Variants in PIWIL3 observed in about 807,000 individuals in gnomAD.
PIWIL3 encodes piwi-like protein 3.
PIWIL3 carries 101 observed loss-of-function variants against 109.7 expected under a neutral mutation model. That is an observed-to-expected ratio of 0.92 (90% CI 0.78 to 1.09). PIWIL3 has a LOEUF of 1.09. Among genes scored for constraint, PIWIL3 ranks in the 50% least tolerant of loss-of-function variants. The probability of loss-of-function intolerance (pLI) is 0.00; values close to 1 mark genes in which losing one functional copy is unlikely to be tolerated. For missense variants in PIWIL3, 1,031 were observed against 1,072.6 expected (o/e 0.96, Z 0.54); for synonymous variants, 373 against 376.4 (o/e 0.99, Z 0.10).
chr22:24,723,309 TAC>T lies in PIWIL3; in HGVS notation c.2232-56_2232-55del, dbSNP rs996240836. 73 of 1,546,430 alleles carry T rather than the reference TAC, an allele frequency of 4.7e-5. 1 individual carries two copies. The African/African-American group carries it at 7.1e-4, about 15-fold the overall frequency. ...TGTTTACTCAGTCTTACCTCAGAAG[TAC>T]ACAGTGTATTGAAACATCTGCTTTA... On this transcript the variant is annotated intron_variant, in intron 18 of 20. Transcript: ENST00000616349.
chr22:24,763,752 G>A (rs550752941), intron 1 of PIWIL3, among the ~76,000 whole-genome samples: 1 of 152,060 alleles, frequency 6.6e-6, no homozygotes, highest in East Asian at 1.9e-4. Context: ...AGGAGCCCAG[G>A]TGCCCCCAGA....
intron 1 of PIWIL3, among the ~76,000 whole-genome samples, chr22:24,772,438 A>C (rs1926182639): frequency 6.6e-5 from 10 of 152,180 alleles, no homozygotes; most frequent in Admixed American, 6.5e-4. Flanking sequence ...GACCCTGAGC[A>C]GGTGATATCA....
intron 6 of PIWIL3, 91 bp from the exon 7 acceptor site, chr22:24,754,955 G>C (rs1041267211): frequency 9.9e-7 from 1 of 1,012,798 alleles, no homozygotes; most frequent in African/African-American, 1.6e-5. Flanking sequence ...ATCTGTCAAT[G>C]ACTGTTTATA....
Position 24,747,262 on chromosome 22 carries a change from G to A in PIWIL3, c.1449+1645C>T, listed in dbSNP as rs192025716. On this transcript the variant is annotated intron_variant, in intron 12 of 20. Coordinates refer to ENST00000616349, the MANE Select transcript of PIWIL3 (RefSeq NM_001255975.1). Reference sequence around the variant, plus strand: ...CTCTTCTGTATATCCATATGCGGAAGAATGAAACTAGATCCCTATCTCTCA... The same window carrying A: ...CTCTTCTGTATATCCATATGCGGAAAAATGAAACTAGATCCCTATCTCTCA... 1.7e-3 allele frequency among the ~76,000 whole-genome samples: 253 copies of A among 152,122 alleles called. 1 individual carries two copies. Among genetic ancestry groups the A allele is most frequent in the Non-Finnish European group, 3.2e-3 (220 of 67,918 alleles).
intron 4 of PIWIL3, among the ~76,000 whole-genome samples, chr22:24,757,219 G>A (rs1450608825): frequency 6.6e-6 from 1 of 152,114 alleles, no homozygotes; most frequent in Non-Finnish European, 1.5e-5. Context: ...ATACATTTAG[G>A]AAGTTTAAGA....
intron 2 of PIWIL3, 125 bp downstream of exon 2, chr22:24,762,273 A>G (rs956140791): frequency 4.3e-6 from 6 of 1,403,000 alleles, no homozygotes; most frequent in Admixed American, 3.2e-5. Context: ...GACTTTTCTT[A>G]TGAACTTTTA....
chr22:24,750,482 A>T (rs1439402187), intron 9 of PIWIL3, among the ~76,000 whole-genome samples: 32 of 114,282 alleles, frequency 2.8e-4, no homozygotes, highest in South Asian at 5.8e-4. Context: ...ACCACATTTG[A>T]TTTTTTTTCT....
intron 1 of PIWIL3, among the ~76,000 whole-genome samples, chr22:24,768,571 T>C (rs978911582): frequency 2.3e-4 from 35 of 152,270 alleles, no homozygotes; most frequent in African/African-American, 7.9e-4. Context: ...TTTTTCATTC[T>C]GCAGACATCA....
In PIWIL3 at chr22:24,727,984, C is replaced by T. The variant is rs776020569; in HGVS notation, c.1975G>A (p.Gly659Arg). 14 of 1,613,464 alleles carry T rather than the reference C, an allele frequency of 8.7e-6. No individual in the cohort carries two copies. The highest frequency in any genetic ancestry group is 2.7e-5 in the African/African-American group (2 of 74,918). Residue 659 changes from glycine to arginine, a missense_variant, in exon 16 of 21, where the codon GGA becomes AGA. Gly to Arg is a moderately radical substitution (Grantham distance 125). Coordinates refer to ENST00000616349, the MANE Select transcript of PIWIL3 (RefSeq NM_001255975.1). ...DIVNRQKSIA[G>R]FVASTNAELT... ...TCAGCATTGGTACTTGCAACAAATC[C>T]TGCTATTGATTTCTGTCGATTTACG... is the stretch of plus-strand genomic sequence containing the variant.
chr22:24,755,747 G>T, intron 6 of PIWIL3, 37 bp downstream of exon 6: 2 of 1,611,450 alleles, frequency 1.2e-6, no homozygotes, highest in South Asian at 2.2e-5. Flanking sequence ...TAAAACAACC[G>T]AATGAGTATC....
chr22:24,766,961 CT>C (rs533619771), intron 1 of PIWIL3, among the ~76,000 whole-genome samples: 3,633 of 82,658 alleles, frequency 0.044, 60 homozygotes, highest in Middle Eastern at 0.075. Context: ...GACACCGTCT[CT>C]AAAAAAAAAA....
At chr22:24,756,752 C>T in intron 4 of PIWIL3, 47 bp from the exon 5 acceptor site, 1 of 1,488,528 alleles carries the variant, frequency 6.7e-7, no homozygotes, top group Non-Finnish European at 9.3e-7. Context: ...CTGATTGGGC[C>T]CAAAACAAAC....
At chr22:24,744,178 TAAAAAAAAAAAAAAA>T (rs1188611412) in intron 12 of PIWIL3, among the ~76,000 whole-genome samples, 1 of 34,304 alleles carries the variant, frequency 2.9e-5, no homozygotes, top group Non-Finnish European at 5.7e-5. Context: ...GTGACCGAAT[TAAAAAAAAAAAAAAA>T]AAAAAAAAAA....
rs1924879287 is a variant in PIWIL3 at position 24,754,233 on chromosome 22, T to C, written c.774-16A>G. ...CAAACTGGTACTAGAATAAATTACA[T>C]GAGAGTATTAGTCCGATCTCTTCAC... is the stretch of plus-strand genomic sequence containing the variant. On this transcript the variant is annotated splice_polypyrimidine_tract_variant and intron_variant, in intron 7 of 20. Coordinates refer to ENST00000616349, the MANE Select transcript of PIWIL3 (RefSeq NM_001255975.1). The C allele has an allele frequency of 6.3e-7, 1 of 1,598,416 alleles. No individual in the cohort carries two copies. Among genetic ancestry groups the C allele is most frequent in the Admixed American group, 1.7e-5 (1 of 59,900 alleles).
chr22:24,757,677 C>CACACATATATATAAAATATGTATATATT (rs1925163410), intron 4 of PIWIL3, among the ~76,000 whole-genome samples: 1 of 136,982 alleles, frequency 7.3e-6, no homozygotes, highest in African/African-American at 2.6e-5. Context: ...CACACACACA[C>CACACATATATATAAAATATGTATATATT]ACACACACAC....
rs1235164403 is a variant in PIWIL3, at chr22:24,734,267, T to C, written c.1635-111A>G. 3 of 1,427,616 alleles carry C rather than the reference T, an allele frequency of 2.1e-6. No homozygotes were observed. The East Asian group carries it at 7.4e-5, about 35-fold the overall frequency. The allele number at this position is 1,427,616 out of a possible 1,614,324, so 88.4% of individuals were successfully genotyped here. ...ACATGATAAAATACCAAGATATGCA[T>C]TTCAGTAGAAAGTATGTTTAAAAGA... On this transcript the variant is annotated intron_variant, in intron 13 of 20. Transcript: ENST00000616349.
chr22:24,755,997 T>G, intron 5 of PIWIL3, 92 bp from the exon 6 acceptor site: 1 of 1,370,446 alleles, frequency 7.3e-7, no homozygotes, highest in Non-Finnish European at 1.0e-6. Flanking sequence ...CACCTGGCTA[T>G]CCAACACACC....
intron 12 of PIWIL3, among the ~76,000 whole-genome samples, chr22:24,747,908 T>A (rs915784769): frequency 1.2e-4 from 19 of 152,100 alleles, no homozygotes; most frequent in African/African-American, 3.9e-4. Context: ...AGCTAACATA[T>A]GTTGCAGCAA....
intron 17 of PIWIL3, 74 bp downstream of exon 17, chr22:24,725,371 C>G: frequency 6.4e-7 from 1 of 1,557,020 alleles, no homozygotes; most frequent in East Asian, 2.2e-5. Flanking sequence ...CAAGTGTCCC[C>G]TGGAGGCAGT....
Sources: allele counts gnomAD v4.1 joint callset (sites outside exome capture counted in the v4.1 genomes callset), GRCh38; gene constraint gnomAD v4.1.1; transcripts MANE v1.5; gene names NCBI Gene and HGNC (gene_info 2026-07-23, HGNC 2026-07-21).